The following SORD variants were observed in gnomAD, a reference collection of about 807,000 sequenced individuals.
SORD encodes the protein sorbitol dehydrogenase, also known as (R,R)-butanediol dehydrogenase.
Under a neutral mutation model 35.6 loss-of-function variants are expected in SORD, and 18 were observed. The observed-to-expected ratio is 0.51, with a 90% CI of 0.35 to 0.75. The LOEUF is 0.75. Among genes scored for constraint, SORD ranks in the 30% least tolerant of loss-of-function variants. The pLI is 0.01. For missense variants in SORD, 250 were observed against 390.2 expected, an observed-to-expected ratio of 0.64 and a Z score of 3.03; for synonymous variants, 106 against 152.9, an observed-to-expected ratio of 0.69 and a Z score of 2.26.
intron 3 of SORD, among the ~76,000 whole-genome samples, chr15:45,050,059 C>G (rs1893101724): frequency 6.6e-6 from 1 of 152,212 alleles, no homozygotes; most frequent in African/African-American, 2.4e-5. Flanking sequence ...TGATGAAACT[C>G]TGTTTTGCGA....
intron 3 of SORD, among the ~76,000 whole-genome samples, chr15:45,056,700 T>C (rs1472028292): frequency 6.6e-6 from 1 of 152,248 alleles, no homozygotes; most frequent in Non-Finnish European, 1.5e-5. Context: ...GATGTGGAAT[T>C]TTTATACAAG....
chr15:45,055,804 C>T (rs1276390718), intron 3 of SORD, among the ~76,000 whole-genome samples: 1 of 152,162 alleles, frequency 6.6e-6, no homozygotes, highest in African/African-American at 2.4e-5. Flanking sequence ...ATCAAGTGGG[C>T]TTCATCCCTG....
At chr15:45,050,248 A>AT (rs1254841128) in intron 3 of SORD, among the ~76,000 whole-genome samples, 1 of 152,016 alleles carries the variant, frequency 6.6e-6, no homozygotes, top group African/African-American at 2.4e-5. Context: ...GCCCTGGCTA[A>AT]TTTTTTGTAT....
chr15:45,052,623 G>A (rs1484036725), intron 3 of SORD, among the ~76,000 whole-genome samples: 1 of 152,138 alleles, frequency 6.6e-6, no homozygotes, highest in East Asian at 1.9e-4. Flanking sequence ...CCCACAGTAT[G>A]CCTCTTAGCA....
At chr15:45,064,698 TA>T (rs1385655880) in intron 4 of SORD, among the ~76,000 whole-genome samples, 3 of 152,236 alleles carry the variant, frequency 2.0e-5, no homozygotes, top group Admixed American at 1.3e-4. Context: ...ATCACTGTTC[TA>T]CAAAACTGGT....
chr15:45,045,311 G>A (rs1466143665), intron 3 of SORD, among the ~76,000 whole-genome samples: 2 of 152,060 alleles, frequency 1.3e-5, no homozygotes, highest in Non-Finnish European at 2.9e-5. Context: ...GCTGTGGTGG[G>A]CAGGTCACTT....
intron 3 of SORD, chr15:45,058,506 A>C (rs574291843): frequency 6.6e-5 from 10 of 152,122 alleles, no homozygotes; most frequent in Non-Finnish European, 1.0e-4. Flanking sequence ...TGGATAAGAA[A>C]CTGCAGAAAG....
chr15:45,023,422 C>A, intron 1 of SORD, 73 bp downstream of exon 1: 1 of 1,269,638 alleles, frequency 7.9e-7, no homozygotes, highest in Non-Finnish European at 1.0e-6. Context: ...ATAGTCCTGG[C>A]TTCCCACTTC....
intron 2 of SORD, among the ~76,000 whole-genome samples, chr15:45,041,143 G>A (rs1892959593): frequency 6.6e-6 from 1 of 152,172 alleles, no homozygotes; most frequent in Admixed American, 6.5e-5. Flanking sequence ...CCAGCTTTGG[G>A]TTTCTCATGT....
At chr15:45,051,631 A>G (rs2470657) in intron 3 of SORD, among the ~76,000 whole-genome samples, 184 of 152,338 alleles carry the variant, frequency 1.2e-3, no homozygotes, top group Non-Finnish European at 2.0e-3. Flanking sequence ...TTAGCTTCCA[A>G]ACAATCTGTC....
intron 5 of SORD, among the ~76,000 whole-genome samples, chr15:45,066,590 G>A (rs1047658263): frequency 3.9e-5 from 6 of 152,302 alleles, no homozygotes; most frequent in African/African-American, 1.4e-4. Flanking sequence ...GCTGTAGCTA[G>A]CTGCCTTCTC....
At chr15:45,038,917 A>T (rs1226494807) in intron 1 of SORD, among the ~76,000 whole-genome samples, 3 of 152,014 alleles carry the variant, frequency 2.0e-5, no homozygotes, top group African/African-American at 7.3e-5. Flanking sequence ...TCTTTGCACC[A>T]CCCCTGAAGG....
intron 1 of SORD, among the ~76,000 whole-genome samples, chr15:45,037,535 G>T (rs1006379353): frequency 1.3e-5 from 2 of 152,138 alleles, no homozygotes; most frequent in African/African-American, 4.8e-5. Context: ...GGAGGGTGGG[G>T]TGCTCTCCCA....
intron 1 of SORD, among the ~76,000 whole-genome samples, chr15:45,023,735 G>C (rs781566945): frequency 6.6e-6 from 1 of 152,252 alleles, no homozygotes; most frequent in Non-Finnish European, 1.5e-5. Flanking sequence ...GCAGAGCAGA[G>C]AAAGGGGGGC....
chr15:45,047,382 C>CTT (rs1347193727), intron 3 of SORD, among the ~76,000 whole-genome samples: 3 of 152,166 alleles, frequency 2.0e-5, no homozygotes, highest in Admixed American at 1.3e-4. Context: ...CTAACATCCT[C>CTT]TTCAGGCTCC....
At chr15:45,052,685 T>C (rs1893144061) in intron 3 of SORD, among the ~76,000 whole-genome samples, 1 of 151,876 alleles carries the variant, frequency 6.6e-6, no homozygotes, top group Non-Finnish European at 1.5e-5. Context: ...GCAGACAGAG[T>C]CTCAGCCTTG....
intron 4 of SORD, among the ~76,000 whole-genome samples, chr15:45,062,100 A>G (rs1893323126): frequency 6.6e-6 from 1 of 152,148 alleles, no homozygotes; most frequent in Admixed American, 6.5e-5. Context: ...AATTATTATT[A>G]CTATGTGCCT....
In SORD at chr15:45,023,338, G is replaced by A. The variant is rs755696297; in HGVS notation, c.55G>A (p.Asp19Asn). Residue 19 changes from aspartate (D) to asparagine (N), a missense_variant, in exon 1 of 9, where the codon GAC becomes AAC. By Grantham distance (23) the Asp-to-Asn change is conservative. This residue lies in a region of SORD where 43 missense variants were observed against 30.6 expected (regional missense o/e 1.40). Coordinates refer to ENST00000267814, the MANE Select transcript of SORD (RefSeq NM_003104.6). ...NLSLVVHGPG[D>N]LRLENYPIPE... Reference sequence around the variant, plus strand: ...TTCCCTGGTGGTGCACGGACCGGGGGACTTGCGCCTGGTAAGCTGGGAAGG... The same window carrying A: ...TTCCCTGGTGGTGCACGGACCGGGGAACTTGCGCCTGGTAAGCTGGGAAGG... 1.5e-5 allele frequency: 24 copies of A among 1,582,670 alleles called. No homozygotes were observed. The highest frequency in any genetic ancestry group is 2.0e-5 in the Non-Finnish European group (23 of 1,165,714).
intron 3 of SORD, among the ~76,000 whole-genome samples, chr15:45,046,633 A>T (rs903435835): frequency 7.2e-5 from 11 of 152,370 alleles, no homozygotes; most frequent in Admixed American, 3.3e-4. Context: ...AGTCTTTCAT[A>T]TGTTAACTTG....
Sources: allele counts gnomAD v4.1 joint callset (sites outside exome capture counted in the v4.1 genomes callset), GRCh38; gene constraint gnomAD v4.1.1; regional missense constraint gnomAD v4.1.1; transcripts MANE v1.5; gene names NCBI Gene and HGNC (gene_info 2026-07-23, HGNC 2026-07-21).